Variants in BTAF1 observed in about 807,000 individuals in gnomAD.
BTAF1 encodes the protein B-TFIID TATA-box binding protein associated factor 1.
In BTAF1, 38 loss-of-function variants were observed where a neutral mutation model predicts 227.1. The ratio of observed to expected loss-of-function variants is 0.17; its 90% CI spans 0.13 to 0.22. The LOEUF (loss-of-function observed/expected upper bound fraction) is 0.22. Ranked by LOEUF, BTAF1 falls within the 10% of genes least tolerant of loss-of-function variation. The probability of loss-of-function intolerance (pLI) is 1.00; values close to 1 mark genes in which losing one functional copy is unlikely to be tolerated. For missense variants in BTAF1, 1,598 were observed against 2,204.0 expected (o/e 0.73, Z 5.51); for synonymous variants, 742 against 751.9 (o/e 0.99, Z 0.21).
chr10:91,972,317 A>G (rs1261972334), intron 14 of BTAF1, among the ~76,000 whole-genome samples: 2 of 152,128 alleles, frequency 1.3e-5, no homozygotes, highest in Admixed American at 1.3e-4. Context: ...AAGTGTAATC[A>G]TGTTCATTTG....
chr10:91,986,112 C>G (rs965921343), intron 19 of BTAF1, among the ~76,000 whole-genome samples: 8 of 150,128 alleles, frequency 5.3e-5, no homozygotes, highest in African/African-American at 2.0e-4. Context: ...ATTTATCATT[C>G]ATTTGGAATT....
intron 33 of BTAF1, among the ~76,000 whole-genome samples, chr10:92,017,271 T>C (rs1850803554): frequency 6.6e-6 from 1 of 152,032 alleles, no homozygotes; most frequent in Non-Finnish European, 1.5e-5. Flanking sequence ...TGAAGGAGGA[T>C]TAAGTCATGC....
At chr10:92,009,313 A>G (rs1850144852) in intron 28 of BTAF1, 105 bp downstream of exon 28, 15 of 1,218,664 alleles carry the variant, frequency 1.2e-5, no homozygotes, top group South Asian at 3.0e-5. Flanking sequence ...TTTTGGTTGT[A>G]TGACATAGAA....
chr10:91,934,198 GT>G (rs1401793958), intron 1 of BTAF1, among the ~76,000 whole-genome samples: 2 of 151,986 alleles, frequency 1.3e-5, no homozygotes, highest in East Asian at 3.8e-4. Context: ...TAGCTTCATA[GT>G]TTGAGGTCTT....
At chr10:92,006,751 A>G (rs1272489936) in intron 25 of BTAF1, among the ~76,000 whole-genome samples, 5 of 152,218 alleles carry the variant, frequency 3.3e-5, no homozygotes, top group African/African-American at 1.2e-4. Flanking sequence ...ATGTCAGCCA[A>G]ATACCAAAGT....
intron 24 of BTAF1, chr10:91,997,290 T>C (rs1849208721): frequency 1.6e-6 from 1 of 633,034 alleles, no homozygotes; most frequent in African/African-American, 1.9e-5. Flanking sequence ...ATTTTGACAT[T>C]GGAATTCCAG....
intron 5 of BTAF1, 45 bp from the exon 6 acceptor site, chr10:91,953,692 T>C (rs1251279935): frequency 3.8e-6 from 6 of 1,595,960 alleles, no homozygotes; most frequent in Non-Finnish European, 5.1e-6. Context: ...TAGGTACTTA[T>C]TTTAATTTCA....
chr10:92,015,989 T>C (rs1850693063), intron 32 of BTAF1, among the ~76,000 whole-genome samples: 1 of 152,032 alleles, frequency 6.6e-6, no homozygotes, highest in African/African-American at 2.4e-5. Flanking sequence ...TAAGAGTTTC[T>C]TTTTTTCTTT....
At chr10:91,956,737 C>A in intron 7 of BTAF1, 80 bp downstream of exon 7, 1 of 1,474,314 alleles carries the variant, frequency 6.8e-7, no homozygotes, top group Non-Finnish European at 9.2e-7. Context: ...CTCCTGTAAT[C>A]CCAGCACTTT....
intron 34 of BTAF1, among the ~76,000 whole-genome samples, chr10:92,020,228 A>G (rs1403197679): frequency 6.6e-6 from 1 of 151,890 alleles, no homozygotes; most frequent in Non-Finnish European, 1.5e-5. Flanking sequence ...TTGTCTTTAA[A>G]CAGTTTATAA....
Position 92,008,964 on chromosome 10 carries a change from T to A in BTAF1, c.3935+14T>A. 6.2e-7 allele frequency: 1 copy of A among 1,611,890 alleles called. No individual in the cohort carries two copies. ...TCATTGTCATAGGTAATTTAAGATG[T>A]TATTTTAAAATAAGGTTTCCGGATT... On this transcript the variant is annotated intron_variant, in intron 27 of 37. Transcript: ENST00000265990.
chr10:91,956,654 A>G lies in BTAF1; in HGVS notation c.828A>G (p.Glu276=). The change falls in exon 7 of 38, where the codon GAA becomes GAG. Residue 276 remains glutamate (E), a synonymous_variant. Transcript: ENST00000265990. The part of the protein sequence containing the change: ...DNIPDSSSLI[E]ETNEWPLESF... ...TTCCAGACAGCTCTTCCTTAATTGAAGAGGTACTCTTGAAAGACTCTAAAG... is the reference window on the plus strand; with the variant it reads ...TTCCAGACAGCTCTTCCTTAATTGAGGAGGTACTCTTGAAAGACTCTAAAG... 6.2e-7 allele frequency: 1 copy of G among 1,610,168 alleles called. No homozygotes were observed. Among genetic ancestry groups the G allele is most frequent in the African/African-American group, 1.3e-5 (1 of 74,786 alleles).
chr10:92,028,910 A>G lies in BTAF1; in HGVS notation c.5527A>G (p.Asn1843Asp). ...GTATGATTCAGAGTACAGCCTGGAA[A>G]ATTTTATGCATTCTCTCAAGTAACT... ...EQYDSEYSLENFMHSLK is the reference protein window; with the variant it reads ...EQYDSEYSLEDFMHSLK Residue 1843 changes from asparagine to aspartate, a missense_variant, in exon 38 of 38, where the codon AAT becomes GAT. This residue lies in a region of BTAF1 where 79 missense variants were observed against 97.9 expected (regional missense o/e 0.81). Coordinates refer to ENST00000265990, the MANE Select transcript of BTAF1 (RefSeq NM_003972.3). 3 of 1,586,220 alleles carry G rather than the reference A, an allele frequency of 1.9e-6. No individual in the cohort carries two copies. Among genetic ancestry groups the G allele is most frequent in the East Asian group, 2.3e-5 (1 of 43,812 alleles).
At position 92,011,043 on chromosome 10, in the gene BTAF1, T is replaced by A. The variant is rs550762157; in HGVS notation, c.4104-30T>A. 2.0e-6 allele frequency: 3 copies of A among 1,534,108 alleles called. No individual in the cohort carries two copies. The African/African-American group carries it at 4.1e-5, about 21-fold the overall frequency. On this transcript the variant is annotated intron_variant, in intron 28 of 37. Transcript: ENST00000265990. ...TATTAAGAACTTTTCAGGGTCTCTG[T>A]TTTCTAATTTTATTCATTTCTAAAT...
intron 19 of BTAF1, among the ~76,000 whole-genome samples, chr10:91,988,477 A>T (rs571273266): frequency 7.0e-4 from 107 of 152,206 alleles, no homozygotes; most frequent in Middle Eastern, 3.4e-3. Context: ...TAAAGTTGTT[A>T]AAAAAAAGAC....
At chr10:91,976,453 G>A (rs1294925713) in intron 14 of BTAF1, among the ~76,000 whole-genome samples, 1 of 152,110 alleles carries the variant, frequency 6.6e-6, no homozygotes, top group Non-Finnish European at 1.5e-5. Context: ...AAATTTTTTA[G>A]CCCTCTAATC....
Position 91,962,617 on chromosome 10 carries a change from C to T in BTAF1, c.1343C>T (p.Ala448Val), listed in dbSNP as rs750458810. ...GLQDLDDDVR[A>V]VAAASLVPVV... ...CAGGATCTTGATGATGATGTCAGAGCTGTTGCTGCAGCATCATTAGTGCCT... is the reference window on the plus strand; with the variant it reads ...CAGGATCTTGATGATGATGTCAGAGTTGTTGCTGCAGCATCATTAGTGCCT... The change falls in exon 12 of 38, where the codon GCT becomes GTT. Residue 448 changes from alanine (A) to valine (V), a missense_variant. By Grantham distance (64) the Ala-to-Val change is moderately conservative. Transcript: ENST00000265990. 6.2e-7 allele frequency: 1 copy of T among 1,611,616 alleles called. No individual in the cohort carries two copies. Among genetic ancestry groups the T allele is most frequent in the South Asian group, 1.1e-5 (1 of 90,548 alleles).
chr10:91,982,127 A>G lies in BTAF1; in HGVS notation c.1950A>G (p.Lys650=). Reference sequence around the variant, plus strand: ...TGCGCCAAGGCCAAAGCCAGAATAAAGAAGTACTTCAGGAGTATATTGCAG... The same window carrying G: ...TGCGCCAAGGCCAAAGCCAGAATAAGGAAGTACTTCAGGAGTATATTGCAG... ...GKVRQGQSQN[K]EVLQEYIAGA... Residue 650 remains lysine, a synonymous_variant, in exon 17 of 38, where the codon AAA becomes AAG. Transcript: ENST00000265990. 1.9e-6 allele frequency: 3 copies of G among 1,613,940 alleles called. No individual in the cohort carries two copies. The highest frequency in any genetic ancestry group is 2.5e-6 in the Non-Finnish European group (3 of 1,179,900).
In BTAF1 at chr10:91,951,411, G is replaced by T. The variant is rs1327506424; in HGVS notation, c.409G>T (p.Asp137Tyr). ...EVQDEKSGEVDPKERIARQRK... is the reference protein window; with the variant it reads ...EVQDEKSGEVYPKERIARQRK... ...TTCTTTTCTGTTGAAAGGTGAAGTG[G>T]ATCCTAAAGAGAGGATAGCACGCCA... Residue 137 changes from aspartate to tyrosine, a missense_variant, in exon 5 of 38, where the codon GAT becomes TAT. Transcript: ENST00000265990. The T allele has an allele frequency of 1.2e-6, 2 of 1,607,258 alleles. No homozygotes were observed. Among genetic ancestry groups the T allele is most frequent in the Non-Finnish European group, 1.7e-6 (2 of 1,178,240 alleles).
Sources: gnomAD v4.1 joint callset for allele counts (sites outside exome capture counted in the v4.1 genomes callset) on GRCh38, gnomAD v4.1.1 for gene constraint, gnomAD v4.1.1 regional missense constraint, MANE v1.5 for transcripts, NCBI Gene and HGNC (gene_info 2026-07-23, HGNC 2026-07-21) for gene names.